The following NTNG1 variants were observed in gnomAD, a reference collection of about 807,000 sequenced individuals.
The protein encoded by NTNG1 is netrin-G1.
Under a neutral mutation model 54.0 loss-of-function variants are expected in NTNG1, and 16 were observed. That is an observed-to-expected ratio of 0.30 (90% CI 0.20 to 0.45). The LOEUF (loss-of-function observed/expected upper bound fraction) is 0.45. NTNG1 is among the 20% of genes least tolerant of loss of function. The probability of loss-of-function intolerance (pLI) is 1.00; values close to 1 mark genes in which losing one functional copy is unlikely to be tolerated. For missense variants in NTNG1, 530 were observed against 678.7 expected, an observed-to-expected ratio of 0.78 and a Z score of 2.43; for synonymous variants, 255 against 263.1, an observed-to-expected ratio of 0.97 and a Z score of 0.30.
intron 2 of NTNG1, among the ~76,000 whole-genome samples, chr1:107,193,405 T>A (rs929104641): frequency 3.3e-5 from 5 of 152,064 alleles, no homozygotes; most frequent in African/African-American, 1.2e-4. Context: ...TCTAGATACT[T>A]TGAACTGAAT....
intron 5 of NTNG1, among the ~76,000 whole-genome samples, chr1:107,419,346 G>A (rs1339440466): frequency 1.3e-5 from 2 of 151,342 alleles, no homozygotes; most frequent in Non-Finnish European, 2.9e-5. Flanking sequence ...CCAGCATTTA[G>A]AGCAATCTGT....
intron 3 of NTNG1, among the ~76,000 whole-genome samples, chr1:107,358,430 T>C (rs540739172): frequency 2.0e-5 from 3 of 152,100 alleles, no homozygotes; most frequent in African/African-American, 7.2e-5. Context: ...ATAGATTTGG[T>C]CACGAGTGGG....
chr1:107,332,373 A>G (rs1289158363), intron 3 of NTNG1, among the ~76,000 whole-genome samples: 1 of 152,138 alleles, frequency 6.6e-6, no homozygotes, highest in African/African-American at 2.4e-5. Context: ...AAGGATATTT[A>G]AGCAAAATAC....
intron 2 of NTNG1, among the ~76,000 whole-genome samples, chr1:107,292,076 C>G (rs1011648703): frequency 6.6e-6 from 1 of 151,984 alleles, no homozygotes; most frequent in Non-Finnish European, 1.5e-5. Context: ...AAAAACTGTT[C>G]CACTACATTA....
At chr1:107,319,802 T>C (rs888617376) in intron 2 of NTNG1, among the ~76,000 whole-genome samples, 1 of 151,736 alleles carries the variant, frequency 6.6e-6, no homozygotes, top group Admixed American at 6.6e-5. Context: ...AGGTAAAGCT[T>C]GGAAAGGCAA....
intron 2 of NTNG1, among the ~76,000 whole-genome samples, chr1:107,294,548 C>A (rs897132575): frequency 8.5e-5 from 13 of 152,158 alleles, no homozygotes; most frequent in Admixed American, 5.2e-4. Flanking sequence ...AAACATATAT[C>A]CTGTTATTAG....
chr1:107,211,863 A>G (rs996649979), intron 2 of NTNG1, among the ~76,000 whole-genome samples: 32 of 152,210 alleles, frequency 2.1e-4, no homozygotes, highest in African/African-American at 7.7e-4. Context: ...CCAGACTTCC[A>G]CAGTTCATTT....
chr1:107,306,434 C>T (rs557248714), intron 2 of NTNG1, among the ~76,000 whole-genome samples: 1 of 152,214 alleles, frequency 6.6e-6, no homozygotes, highest in South Asian at 2.1e-4. Context: ...CAACACAGGG[C>T]TGAACTGTTA....
intron 6 of NTNG1, among the ~76,000 whole-genome samples, chr1:107,433,815 C>T (rs1557996569): frequency 6.6e-6 from 1 of 152,208 alleles, no homozygotes; most frequent in Non-Finnish European, 1.5e-5. Flanking sequence ...GCTGCCTGTG[C>T]ACTAGGCTGG....
intron 3 of NTNG1, among the ~76,000 whole-genome samples, chr1:107,386,139 A>ATATACACATATATATATT (rs1360069812): frequency 9.8e-6 from 1 of 101,948 alleles, no homozygotes; most frequent in East Asian, 2.9e-4. Context: ...ATGTATATAT[A>ATATACACATATATATATT]TATATGTGTG....
At chr1:107,391,842 GTCCC>G (rs1204904918) in intron 3 of NTNG1, among the ~76,000 whole-genome samples, 1 of 152,138 alleles carries the variant, frequency 6.6e-6, no homozygotes, top group African/African-American at 2.4e-5. Flanking sequence ...CTCCCATCAG[GTCCC>G]TCCCTAGCAT....
chr1:107,167,303 T>A (rs564962797), intron 2 of NTNG1, among the ~76,000 whole-genome samples: 1 of 151,940 alleles, frequency 6.6e-6, no homozygotes. Flanking sequence ...TAGAAGAATC[T>A]ATCTGTAATG....
At chr1:107,395,347 A>T in intron 4 of NTNG1, 21 bp downstream of exon 4, 1 of 1,605,214 alleles carries the variant, frequency 6.2e-7, no homozygotes, top group Admixed American at 1.7e-5. Flanking sequence ...TTGCTTGGTA[A>T]CAGCATATTC....
chr1:107,348,158 CT>C (rs1669372390), intron 3 of NTNG1, among the ~76,000 whole-genome samples: 1 of 151,476 alleles, frequency 6.6e-6, no homozygotes, highest in African/African-American at 2.4e-5. Flanking sequence ...TAGAGTCTCA[CT>C]CTGTTGTCCA....
intron 7 of NTNG1, among the ~76,000 whole-genome samples, chr1:107,471,873 A>T (rs1196938234): frequency 2.0e-5 from 3 of 152,312 alleles, no homozygotes; most frequent in African/African-American, 7.2e-5. Context: ...TTCCATCCTG[A>T]GCTTCTAGCA....
intron 2 of NTNG1, among the ~76,000 whole-genome samples, chr1:107,177,624 C>T (rs979941551): frequency 1.3e-5 from 2 of 152,160 alleles, no homozygotes; most frequent in Admixed American, 6.6e-5. Flanking sequence ...TGAACCACCG[C>T]TCCCGGCCTT....
At chr1:107,403,433 A>C (rs1570882914) in intron 4 of NTNG1, among the ~76,000 whole-genome samples, 1 of 151,982 alleles carries the variant, frequency 6.6e-6, no homozygotes, top group Non-Finnish European at 1.5e-5. Context: ...ACTGGGGCTG[A>C]GCGTGGTGGC....
chr1:107,280,034 G>GGTGTGTGTGTGTGTGTGTGT (rs58563513), intron 2 of NTNG1, among the ~76,000 whole-genome samples: 26 of 146,556 alleles, frequency 1.8e-4, no homozygotes, highest in African/African-American at 6.3e-4. Flanking sequence ...TTCCTTTGTT[G>GGTGTGTGTGTGTGTGTGTGT]GTGTGTGTGT....
At chr1:107,393,150 A>T (rs1672468920) in intron 3 of NTNG1, among the ~76,000 whole-genome samples, 1 of 152,322 alleles carries the variant, frequency 6.6e-6, no homozygotes, top group South Asian at 2.1e-4. Flanking sequence ...CAGTTACAAG[A>T]TACATAATCC....
Sources: gnomAD v4.1 joint callset for allele counts (sites outside exome capture counted in the v4.1 genomes callset) on GRCh38, gnomAD v4.1.1 for gene constraint, MANE v1.5 for transcripts, NCBI Gene and HGNC (gene_info 2026-07-23, HGNC 2026-07-21) for gene names.